The following TAF1 variants were observed in gnomAD, a reference collection of about 807,000 sequenced individuals.
TAF1 encodes transcription initiation factor TFIID subunit 1.
In TAF1, 2 loss-of-function variants were observed where a neutral mutation model predicts 138.5. That is an observed-to-expected ratio of 0.01 (90% confidence interval 0.01 to 0.05). The LOEUF is 0.05. Ranked by LOEUF, TAF1 falls within the 10% of genes least tolerant of loss-of-function variation. TAF1 has a pLI of 1.00. For missense variants in TAF1, 709 were observed against 1,478.0 expected (o/e 0.48, Z 8.53); for synonymous variants, 437 against 503.2 (o/e 0.87, Z 1.76).
At chrX:71,508,578 C>G (rs1472228202) in intron 13 of TAF1, among the ~76,000 whole-genome samples, 6 of 85,639 alleles carry the variant, frequency 7.0e-5, no homozygotes, top group Admixed American at 1.6e-4. Flanking sequence ...GCACTCCAGA[C>G]GGGGTGACAG....
At position 71,463,879 on chromosome X, in the gene TAF1, A is replaced by G. The variant is rs779130088; in HGVS notation, c.5455A>G (p.Ser1819Gly). 8.3e-6 allele frequency: 10 copies of G among 1,209,537 alleles called. No homozygotes were observed. In the South Asian group the frequency reaches 1.2e-4, roughly 15 times the overall value. Residue 1819 changes from serine to glycine, a missense_variant, in exon 38 of 38, where the codon AGC (serine) becomes GGC (glycine). Ser to Gly is a moderately conservative substitution (Grantham distance 56, BLOSUM62 0). This residue lies in a region of TAF1 where 123 missense variants were observed against 174.7 expected (regional missense o/e 0.70). Coordinates refer to ENST00000423759, the MANE Select transcript of TAF1 (RefSeq NM_004606.5). ...GTCGAACACCCAAGACACAAGCTTC[A>G]GCAGCATCGGTGGGTATGAGGTATC... ...PKSNTQDTSF[S>G]SIGGYEVSEE...
chrX:71,503,308 A>ATATATATATGTGTG (rs1569408341), intron 13 of TAF1, among the ~76,000 whole-genome samples: 34 of 95,734 alleles, frequency 3.6e-4, no homozygotes, highest in African/African-American at 1.3e-3. Context: ...GTATATATAT[A>ATATATATATGTGTG]TATATATATA....
intron 13 of TAF1, among the ~76,000 whole-genome samples, chrX:71,487,317 ATTTTTTTTTTTT>A (rs60691914): frequency 1.8e-4 from 10 of 55,009 alleles, no homozygotes; most frequent in African/African-American, 6.8e-4. Context: ...TAATGTATGT[ATTTTTTTTTTTT>A]TTTTTTTTTT....
intron 32 of TAF1, among the ~76,000 whole-genome samples, chrX:71,433,019 A>C (rs771321799): frequency 2.7e-5 from 3 of 112,241 alleles, no homozygotes; most frequent in Non-Finnish European, 3.8e-5. Context: ...CTGATTATAC[A>C]TTAAAGTAAT....
intron 32 of TAF1, among the ~76,000 whole-genome samples, chrX:71,449,391 T>A (rs888223905): frequency 2.7e-5 from 3 of 112,983 alleles, no homozygotes; most frequent in Non-Finnish European, 3.7e-5. Flanking sequence ...CCCAAAATGC[T>A]GGGATTACAG....
chrX:71,506,650 C>T (rs1178425757), intron 13 of TAF1, among the ~76,000 whole-genome samples: 3 of 98,099 alleles, frequency 3.1e-5, no homozygotes, highest in Non-Finnish European at 4.0e-5. Flanking sequence ...AGCCAAGAGC[C>T]GAGATCACGC....
chrX:71,393,220 T>A, intron 20 of TAF1, 81 bp from the exon 21 acceptor site: 1 of 1,068,506 alleles, frequency 9.4e-7, no homozygotes, highest in Non-Finnish European at 1.2e-6. Context: ...AATCCCTGAA[T>A]GATTTGTGTG....
At chrX:71,417,170 A>G (rs2036058558) in intron 28 of TAF1, among the ~76,000 whole-genome samples, 1 of 109,827 alleles carries the variant, frequency 9.1e-6, no homozygotes, top group Non-Finnish European at 1.9e-5. Flanking sequence ...TTAATGGGTT[A>G]ATATGGGAGT....
At chrX:71,369,249 C>T (rs953806872) in intron 3 of TAF1, among the ~76,000 whole-genome samples, 12 of 111,279 alleles carry the variant, frequency 1.1e-4, no homozygotes, top group African/African-American at 3.6e-4. Flanking sequence ...CTGCTCCCCT[C>T]GGTCTCCATA....
At chrX:71,439,747 T>G in intron 32 of TAF1, among the ~76,000 whole-genome samples, 1 of 112,114 alleles carries the variant, frequency 8.9e-6, no homozygotes. Context: ...AATTTGCTCT[T>G]TTTTGCTCAT....
chrX:71,370,967 A>G (rs769000577), intron 3 of TAF1, among the ~76,000 whole-genome samples: 3 of 112,112 alleles, frequency 2.7e-5, no homozygotes, highest in Non-Finnish European at 5.6e-5. Context: ...ATGTTTCTGT[A>G]TATAGAGTGT....
At chrX:71,485,419 G>A (rs758846783) in intron 13 of TAF1, among the ~76,000 whole-genome samples, 2 of 111,580 alleles carry the variant, frequency 1.8e-5, no homozygotes, top group African/African-American at 6.6e-5. Context: ...GTCTTCCACA[G>A]TGACTGCATT....
chrX:71,508,273 G>GA (rs1410861056), intron 13 of TAF1, among the ~76,000 whole-genome samples: 1 of 108,828 alleles, frequency 9.2e-6, no homozygotes, highest in Non-Finnish European at 1.9e-5. Flanking sequence ...ACAGCCTGCG[G>GA]GTGTTTTAAA....
In TAF1 at chrX:71,379,104, G is replaced by GTTTTTTTTTTTTTTTT. The variant is rs2033681489; in HGVS notation, c.1360+73_1360+74insTTTTTTTTTTTTTTTT. 3 of 370,430 alleles carry GTTTTTTTTTTTTTTTT rather than the reference G, an allele frequency of 8.1e-6. No homozygotes were observed. The African/African-American group carries it at 1.3e-4, about 16-fold the overall frequency. 30.5% of individuals were successfully genotyped at this position (370,430 alleles called of 1,213,427 possible). A position where few individuals can be genotyped will look rare whatever the true frequency, so the allele number is the denominator to read the frequency against. On this transcript the variant is annotated intron_variant, in intron 8 of 37. Transcript: ENST00000423759. ...AGTCACCATAAGTGGGCTCAGCTGT[G>GTTTTTTTTTTTTTTTT]ATTTTTTTTTTTTTTTTTTTTTTTC...
At chrX:71,379,215 A>G (rs1172095747) in intron 8 of TAF1, among the ~76,000 whole-genome samples, 184 bp downstream of exon 8, 3 of 104,635 alleles carry the variant, frequency 2.9e-5, no homozygotes, top group Non-Finnish European at 3.9e-5. Context: ...TCCCCAGTTC[A>G]AGCGGTTCTT....
chrX:71,394,940 G>A (rs1162975297), intron 22 of TAF1, among the ~76,000 whole-genome samples: 1 of 112,141 alleles, frequency 8.9e-6, no homozygotes, highest in Non-Finnish European at 1.9e-5. Flanking sequence ...AAAGTGATCC[G>A]CCTGCCTCAG....
intron 17 of TAF1, 62 bp from the exon 18 acceptor site, chrX:71,389,523 A>AAC (rs1319522614): frequency 3.9e-6 from 4 of 1,030,888 alleles, no homozygotes; most frequent in Middle Eastern, 5.0e-4. Context: ...TTCAGTAAAA[A>AAC]AAAAACTTGT....
intron 24 of TAF1, among the ~76,000 whole-genome samples, chrX:71,399,359 C>T (rs1457706292): frequency 5.9e-5 from 6 of 100,979 alleles, no homozygotes; most frequent in African/African-American, 1.5e-4. Context: ...TGGGTTCAAG[C>T]GATTTTCCTG....
At chrX:71,445,285 G>A (rs1176239105) in intron 32 of TAF1, among the ~76,000 whole-genome samples, 4 of 95,131 alleles carry the variant, frequency 4.2e-5, no homozygotes, top group Non-Finnish European at 6.3e-5. Context: ...GGACGACAGA[G>A]TGAGACTCAT....
Sources: gnomAD v4.1 joint callset for allele counts (sites outside exome capture counted in the v4.1 genomes callset) on GRCh38, gnomAD v4.1.1 for gene constraint, gnomAD v4.1.1 regional missense constraint, MANE v1.5 for transcripts, NCBI Gene and HGNC (gene_info 2026-07-23, HGNC 2026-07-21) for gene names.